Variants in QTMAN observed in about 807,000 individuals in gnomAD.
QTMAN encodes queuosine-tRNA mannosyltransferase.
the QTMAN span, among the ~76,000 whole-genome samples, chr2:143,954,124 C>T: frequency 6.6e-6 from 1 of 151,852 alleles, no homozygotes; most frequent in Non-Finnish European, 1.5e-5. Flanking sequence ...ATAGGGTACA[C>T]ACAGAAATTC....
chr2:143,952,950 C>G, the QTMAN span: 1 of 698,652 alleles, frequency 1.4e-6, no homozygotes, highest in Non-Finnish European at 2.6e-6. Flanking sequence ...CCAGAGTTAA[C>G]TGGGACAAAA....
the QTMAN span, among the ~76,000 whole-genome samples, chr2:144,327,910 AG>A: frequency 1.3e-5 from 2 of 152,138 alleles, no homozygotes; most frequent in Non-Finnish European, 2.9e-5. Context: ...ACTATTTATA[AG>A]TTACTAAGAA....
At chr2:144,126,834 T>C in the QTMAN span, among the ~76,000 whole-genome samples, 112 of 152,138 alleles carry the variant, frequency 7.4e-4, no homozygotes, top group African/African-American at 2.4e-3. Flanking sequence ...AAAGGCTCTA[T>C]CACCTAAGGA....
chr2:144,256,003 TAA>T, the QTMAN span, among the ~76,000 whole-genome samples: 15 of 152,276 alleles, frequency 9.9e-5, no homozygotes, highest in Admixed American at 3.3e-4. Flanking sequence ...TCTTAAAAAA[TAA>T]AGTCTATTAA....
the QTMAN span, among the ~76,000 whole-genome samples, chr2:144,046,542 T>C: frequency 6.6e-6 from 1 of 152,196 alleles, no homozygotes; most frequent in East Asian, 1.9e-4. Flanking sequence ...CTGGCTCATA[T>C]AGGATCCACT....
At chr2:144,114,881 G>A in the QTMAN span, among the ~76,000 whole-genome samples, 12 of 152,234 alleles carry the variant, frequency 7.9e-5, no homozygotes, top group East Asian at 1.5e-3. Context: ...AGAACATACT[G>A]CAGGCATATG....
the QTMAN span, among the ~76,000 whole-genome samples, chr2:144,332,792 C>T: frequency 6.6e-6 from 1 of 152,176 alleles, no homozygotes; most frequent in Non-Finnish European, 1.5e-5. Context: ...CGCCCTTTCC[C>T]ATCTCGTCAG....
the QTMAN span, among the ~76,000 whole-genome samples, chr2:144,181,014 C>T: frequency 5.9e-5 from 9 of 152,130 alleles, no homozygotes; most frequent in African/African-American, 2.2e-4. Context: ...CTATATTTAT[C>T]ATATACCACC....
chr2:144,081,663 G>A, the QTMAN span, among the ~76,000 whole-genome samples: 30 of 152,298 alleles, frequency 2.0e-4, no homozygotes, highest in African/African-American at 7.0e-4. Flanking sequence ...GAGGAAAGAG[G>A]AGGGAAAGGG....
the QTMAN span, among the ~76,000 whole-genome samples, chr2:144,277,150 T>A: frequency 6.6e-6 from 1 of 152,150 alleles, no homozygotes; most frequent in South Asian, 2.1e-4. Flanking sequence ...TTAAATGATA[T>A]TCTGGATATA....
the QTMAN span, among the ~76,000 whole-genome samples, chr2:144,329,972 A>G: frequency 7.9e-5 from 12 of 152,246 alleles, no homozygotes; most frequent in African/African-American, 2.9e-4. Flanking sequence ...ACAGGCCAAC[A>G]AGTATTTACT....
the QTMAN span, among the ~76,000 whole-genome samples, chr2:144,307,279 A>G: frequency 2.0e-5 from 3 of 150,314 alleles, no homozygotes; most frequent in East Asian, 5.8e-4. Context: ...AATATAATAA[A>G]AGCTTTCAGT....
the QTMAN span, among the ~76,000 whole-genome samples, chr2:143,993,844 G>A: frequency 6.6e-6 from 1 of 152,308 alleles, no homozygotes; most frequent in Non-Finnish European, 1.5e-5. Context: ...GGAGCTGAAT[G>A]TGAGGGAATA....
the QTMAN span, among the ~76,000 whole-genome samples, chr2:143,968,734 G>T: frequency 6.6e-6 from 1 of 152,212 alleles, no homozygotes; most frequent in African/African-American, 2.4e-5. Context: ...CTTTGCAAAT[G>T]AGCTGATCTT....
chr2:144,324,535 G>A, the QTMAN span, among the ~76,000 whole-genome samples: 1 of 152,154 alleles, frequency 6.6e-6, no homozygotes, highest in African/African-American at 2.4e-5. Flanking sequence ...ATGGCCCAGA[G>A]TCAAAATCAA....
the QTMAN span, among the ~76,000 whole-genome samples, chr2:144,158,498 C>T: frequency 6.6e-6 from 1 of 151,560 alleles, no homozygotes; most frequent in Non-Finnish European, 1.5e-5. Flanking sequence ...GAAAGAAAGG[C>T]AGAGAGAATA....
At chr2:144,266,546 T>C in the QTMAN span, among the ~76,000 whole-genome samples, 18 of 152,242 alleles carry the variant, frequency 1.2e-4, no homozygotes, top group Non-Finnish European at 2.5e-4. Context: ...TACCAATCGA[T>C]AGTAGCTGCT....
chr2:144,035,655 T>C, the QTMAN span, among the ~76,000 whole-genome samples: 1 of 152,310 alleles, frequency 6.6e-6, no homozygotes, highest in Non-Finnish European at 1.5e-5. Flanking sequence ...GTAGAAACTT[T>C]GAGGCACACA....
chr2:143,989,952 T>C, the QTMAN span, among the ~76,000 whole-genome samples: 1 of 152,194 alleles, frequency 6.6e-6, no homozygotes, highest in Non-Finnish European at 1.5e-5. Flanking sequence ...ATCCTTATTC[T>C]CAACCCTGTG....
Sources: gnomAD v4.1 joint callset for allele counts (sites outside exome capture counted in the v4.1 genomes callset) on GRCh38, gnomAD v4.1.1 for gene constraint, MANE v1.5 for transcripts, NCBI Gene and HGNC (gene_info 2026-07-23, HGNC 2026-07-21) for gene names.